The following NHSL2 variants were observed in gnomAD, a reference collection of about 807,000 sequenced individuals.
The protein encoded by NHSL2 is NHS-like protein 2.
Under a neutral mutation model 53.4 loss-of-function variants are expected in NHSL2, and 27 were observed. That is an observed-to-expected ratio of 0.51 (90% confidence interval 0.37 to 0.70). NHSL2 has a LOEUF of 0.70. NHSL2 is among the 30% of genes least tolerant of loss of function. The pLI is 0.00. For synonymous variants in NHSL2, 408 were observed against 404.1 expected (o/e 1.01, Z -0.12); for missense variants, 892 against 980.1 (o/e 0.91, Z 1.20).
intron 1 of NHSL2, among the ~76,000 whole-genome samples, chrX:72,101,323 G>A (rs1333549390): frequency 2.1e-4 from 23 of 110,536 alleles, no homozygotes; most frequent in Non-Finnish European, 3.8e-5. Flanking sequence ...GGTGGGTGTC[G>A]GCAGAATGGG....
At chrX:72,111,264 G>A (rs2042090915) in intron 1 of NHSL2, among the ~76,000 whole-genome samples, 1 of 112,547 alleles carries the variant, frequency 8.9e-6, no homozygotes, top group Admixed American at 9.3e-5. Flanking sequence ...GCAGGCTGAG[G>A]CCATAAAGGT....
intron 1 of NHSL2, among the ~76,000 whole-genome samples, chrX:72,117,977 G>A (rs1297264930): frequency 9.1e-6 from 1 of 110,254 alleles, no homozygotes; most frequent in African/African-American, 3.3e-5. Context: ...ATTCTCTTGG[G>A]TACATGCCTA....
At chrX:71,937,368 G>C (rs2041744023) in intron 1 of NHSL2, among the ~76,000 whole-genome samples, 1 of 111,581 alleles carries the variant, frequency 9.0e-6, no homozygotes, top group African/African-American at 3.3e-5. Context: ...GAAGGGCCTA[G>C]GTTTGGACCT....
In NHSL2 at chrX:72,143,253, G is replaced by A; in HGVS notation, c.3357G>A (p.Arg1119=). Residue 1119 remains arginine, a splice_region_variant and synonymous_variant, in exon 8 of 8, where the codon AGG becomes AGA. Transcript: ENST00000633930. Reference sequence around the variant, plus strand: ...TCAGACCAAACTTTCTCTTATCTAGGTCCAAAAGGAAGCTGCTCGGCTGGA... The same window carrying A: ...TCAGACCAAACTTTCTCTTATCTAGATCCAAAAGGAAGCTGCTCGGCTGGA... ...TTEDLFTVIH[R]SKRKLLGWKE... is the part of the protein sequence containing the mutation. The A allele has an allele frequency of 1.7e-6, 2 of 1,150,204 alleles. No homozygotes were observed. The highest frequency in any genetic ancestry group is 1.2e-6 in the Non-Finnish European group (1 of 863,330). 94.8% of individuals were successfully genotyped at this position (1,150,204 alleles called of 1,213,427 possible).
rs750294021 is a variant in NHSL2 at position 72,139,969 on chromosome X, C to T, written c.2421C>T (p.Val807=). 2.5e-6 allele frequency: 3 copies of T among 1,209,526 alleles called. No homozygotes were observed. The highest frequency in any genetic ancestry group is 3.4e-6 in the Non-Finnish European group (3 of 894,216). ...ACCACTCAGAGACAAATTTTGGCGT[C>T]AAGCTGGCCCAGAAAACTAATCCCA... ...SRHHSETNFG[V]KLAQKTNPNQ... Residue 807 remains valine, a synonymous_variant, in exon 6 of 8, where the codon GTC becomes GTT. Coordinates refer to ENST00000633930, the MANE Select transcript of NHSL2 (RefSeq NM_001013627.3).
At chrX:71,945,518 G>A (rs918252199) in intron 1 of NHSL2, among the ~76,000 whole-genome samples, 1 of 111,794 alleles carries the variant, frequency 8.9e-6, no homozygotes, top group Non-Finnish European at 1.9e-5. Context: ...ATCATCCAAG[G>A]TTTACACTGT....
chrX:72,005,918 C>T (rs2042092473), intron 1 of NHSL2, among the ~76,000 whole-genome samples: 2 of 111,758 alleles, frequency 1.8e-5, no homozygotes, highest in South Asian at 7.6e-4. Flanking sequence ...GGTCAGCTCT[C>T]AAGATATAAA....
Position 72,098,069 on chromosome X carries a change from A to T in NHSL2, c.281-34010A>T, listed in dbSNP as rs189852499. On this transcript the variant is annotated intron_variant, in intron 1 of 7. Transcript: ENST00000633930. ...TTCCACTAGGTAGGTCTCTTTCTCC[A>T]CAGCGGCCATCTTTGATTATTGTGT... Among the ~76,000 whole-genome samples the T allele has an allele frequency of 3.6e-5, 4 of 112,306 alleles. No homozygotes were observed. In the Admixed American group the frequency reaches 3.8e-4, roughly 11 times the overall value.
chrX:71,946,354 G>A (rs1470230996), intron 1 of NHSL2, among the ~76,000 whole-genome samples: 1 of 112,482 alleles, frequency 8.9e-6, no homozygotes, highest in Non-Finnish European at 1.9e-5. Context: ...AATTTTGCAA[G>A]CTGGTTATCA....
At chrX:72,100,936 C>G (rs6653184) in intron 1 of NHSL2, among the ~76,000 whole-genome samples, 13,808 of 110,920 alleles carry the variant, frequency 0.12, 1,140 homozygotes, top group African/African-American at 0.3. Context: ...TGAGTGCTCA[C>G]GAGGTGATTA....
chrX:72,044,715 C>T (rs1180169750), intron 1 of NHSL2: 9 of 1,045,021 alleles, frequency 8.6e-6, no homozygotes, highest in Admixed American at 4.4e-5. Flanking sequence ...CTGAAGTGAG[C>T]GTCTTCGATG....
intron 1 of NHSL2, among the ~76,000 whole-genome samples, chrX:72,065,046 C>G (rs2042419974): frequency 9.0e-6 from 1 of 111,486 alleles, no homozygotes; most frequent in Non-Finnish European, 1.9e-5. Flanking sequence ...ACAGCGCCTC[C>G]AGCACCCTAC....
At chrX:72,118,989 G>T (rs982219699) in intron 1 of NHSL2, among the ~76,000 whole-genome samples, 2 of 111,072 alleles carry the variant, frequency 1.8e-5, no homozygotes, top group African/African-American at 6.6e-5. Context: ...TTGGCATTTG[G>T]ATATTCAGTT....
intron 1 of NHSL2, among the ~76,000 whole-genome samples, chrX:72,118,911 A>G (rs754952955): frequency 8.9e-6 from 1 of 111,892 alleles, no homozygotes; most frequent in Non-Finnish European, 1.9e-5. Context: ...TAGCCATTAC[A>G]TGTGGGTCTT....
chrX:72,009,028 A>G (rs953083108), intron 1 of NHSL2, among the ~76,000 whole-genome samples: 1 of 112,399 alleles, frequency 8.9e-6, no homozygotes, highest in Admixed American at 9.4e-5. Flanking sequence ...TACCTCCTTG[A>G]CATGATCTCC....
chrX:71,969,611 C>T (rs1047802174), intron 1 of NHSL2, among the ~76,000 whole-genome samples: 1 of 112,339 alleles, frequency 8.9e-6, no homozygotes, highest in African/African-American at 3.2e-5. Flanking sequence ...TCACGTCCGG[C>T]CAAATGGTTT....
intron 5 of NHSL2, 57 bp from the exon 6 acceptor site, chrX:72,138,384 A>T (rs1436835252): frequency 1.0e-6 from 1 of 985,933 alleles, no homozygotes; most frequent in Non-Finnish European, 1.3e-6. Flanking sequence ...CTGTCTCAAA[A>T]CAGCTGGTGG....
intron 1 of NHSL2, among the ~76,000 whole-genome samples, chrX:72,105,220 A>G (rs2042028070): frequency 9.2e-6 from 1 of 109,023 alleles, no homozygotes; most frequent in African/African-American, 3.4e-5. Flanking sequence ...GAAGAGACTC[A>G]ACCGTGAGCC....
chrX:71,932,519 C>T (rs1186660072), intron 1 of NHSL2, among the ~76,000 whole-genome samples: 3 of 110,948 alleles, frequency 2.7e-5, no homozygotes, highest in African/African-American at 9.9e-5. Context: ...AGGATATTAC[C>T]GTAGTCCGAG....
Sources: gnomAD v4.1 joint callset for allele counts (sites outside exome capture counted in the v4.1 genomes callset) on GRCh38, gnomAD v4.1.1 for gene constraint, MANE v1.5 for transcripts, NCBI Gene and HGNC (gene_info 2026-07-23, HGNC 2026-07-21) for gene names.